The following PRAG1 variants were observed in gnomAD, a reference collection of about 807,000 sequenced individuals.
The protein encoded by PRAG1 is inactive tyrosine-protein kinase PRAG1.
Under a neutral mutation model 95.6 loss-of-function variants are expected in PRAG1, and 110 were observed. That is an observed-to-expected ratio of 1.15 (90% confidence interval 0.99 to 1.35). PRAG1 has a LOEUF of 1.35. Ranked by LOEUF, PRAG1 falls within the 40% of genes most tolerant of loss-of-function variation. PRAG1 has a pLI of 0.00. For synonymous variants in PRAG1, 1,052 were observed against 819.4 expected, an observed-to-expected ratio of 1.28 and a Z score of -4.85; for missense variants, 2,554 against 1,864.7, an observed-to-expected ratio of 1.37 and a Z score of -6.81.
chr8:8,385,321 T>C (rs1056451393), intron 1 of PRAG1, among the ~76,000 whole-genome samples: 1 of 152,162 alleles, frequency 6.6e-6, no homozygotes, highest in Non-Finnish European at 1.5e-5. Context: ...AGAGGGTAAA[T>C]TACGATATTC....
chr8:8,346,936 A>C (rs1368751184), intron 3 of PRAG1, among the ~76,000 whole-genome samples: 1 of 152,220 alleles, frequency 6.6e-6, no homozygotes, highest in Non-Finnish European at 1.5e-5. Context: ...GCAGGCATTC[A>C]CACTGCTGGC....
chr8:8,378,522 G>T (rs1800514549), intron 2 of PRAG1, among the ~76,000 whole-genome samples: 1 of 152,120 alleles, frequency 6.6e-6, no homozygotes, highest in Non-Finnish European at 1.5e-5. Flanking sequence ...CAATCACAGT[G>T]CATGCCTGAA....
Position 8,318,849 on chromosome 8 carries a change from C to CGGCGGG in PRAG1, c.3520_3525dup (p.Pro1174_Ala1175dup), listed in dbSNP as rs1291739247. ...GCAGAGGAGCAGGGAGGCGCGGCGG[C>CGGCGGG]GGCGGGGGCGGGAGCCGGGGCGGGG... On this transcript the variant is annotated inframe_insertion, in exon 6 of 6. Transcript: ENST00000615670. This position sits in a 1 kb window ranked among gnomAD's most constrained non-coding sequence, Gnocchi z 4.2. The CGGCGGG allele has an allele frequency of 2.1e-6, 2 of 930,284 alleles. No individual in the cohort carries two copies. The highest frequency in any genetic ancestry group is 5.4e-5 in the African/African-American group (2 of 36,796). 57.6% of individuals were successfully genotyped at this position (930,284 alleles called of 1,614,324 possible).
rs1253376332 is a variant in PRAG1, at chr8:8,317,788, C to A, written c.*366G>T. ...TGGAATTTTCTTCTTTTTTTTTTTT[C>A]TTTAAATAACAATTTGACAAAAGGG... On this transcript the variant is annotated 3_prime_UTR_variant, in exon 6 of 6. Transcript: ENST00000615670. 1 of 148,012 alleles carries A rather than the reference C, an allele frequency of 6.8e-6. No individual in the cohort carries two copies. The highest frequency in any genetic ancestry group is 1.5e-5 in the Non-Finnish European group (1 of 68,496). 9.2% of individuals were successfully genotyped at this position (148,012 alleles called of 1,614,324 possible). A position where few individuals can be genotyped will look rare whatever the true frequency, so the allele number is the denominator to read the frequency against.
chr8:8,359,239 C>T lies in PRAG1; in HGVS notation c.2162+17008G>A, dbSNP rs377005517. Among the ~76,000 whole-genome samples, 4 of 152,150 alleles carry T rather than the reference C, an allele frequency of 2.6e-5. No homozygotes were observed. The East Asian group carries it at 5.8e-4, about 22-fold the overall frequency. On this transcript the variant is annotated intron_variant, in intron 3 of 5. Coordinates refer to ENST00000615670, the MANE Select transcript of PRAG1 (RefSeq NM_001080826.3). The stretch of plus-strand genomic sequence containing the variant: ...GTTTTAATATTTCTTGGCTTAATTG[C>T]TCTGATTGAATTTCTAAAAGGAGAA...
Position 8,381,544 on chromosome 8 carries a change from G to A in PRAG1, c.204C>T (p.Arg68=), listed in dbSNP as rs772793752. The A allele has an allele frequency of 1.8e-5, 29 of 1,614,106 alleles. No individual in the cohort carries two copies. The highest frequency in any genetic ancestry group is 6.7e-5 in the Admixed American group (4 of 60,010). The part of the protein sequence containing the change: ...PRLPPRPENC[R]LEDEGVNSSP... ...AGCTGTTCACACCTTCATCTTCCAG[G>A]CGGCAGTTCTCAGGCCTGGGAGGCA... The change falls in exon 2 of 6, where the codon CGC becomes CGT. Residue 68 remains arginine (R), a synonymous_variant. Coordinates refer to ENST00000615670, the MANE Select transcript of PRAG1 (RefSeq NM_001080826.3).
intron 4 of PRAG1, among the ~76,000 whole-genome samples, chr8:8,335,118 T>C (rs2117134245): frequency 6.6e-6 from 1 of 152,280 alleles, no homozygotes; most frequent in East Asian, 1.9e-4. Flanking sequence ...AATAGACATT[T>C]TTAGAGGATA....
intron 3 of PRAG1, among the ~76,000 whole-genome samples, chr8:8,342,722 A>G (rs778444557): frequency 2.0e-5 from 3 of 152,220 alleles, no homozygotes; most frequent in Non-Finnish European, 2.9e-5. Flanking sequence ...ATGTGAAGAA[A>G]AAAAGAAAGT....
At chr8:8,361,880 T>G (rs573000927) in intron 3 of PRAG1, among the ~76,000 whole-genome samples, 1 of 152,368 alleles carries the variant, frequency 6.6e-6, no homozygotes, top group South Asian at 2.1e-4. Context: ...ATCTTTAACA[T>G]AAACCCTAAA....
chr8:8,362,304 G>A (rs559600518), intron 3 of PRAG1, among the ~76,000 whole-genome samples: 18 of 152,276 alleles, frequency 1.2e-4, no homozygotes, highest in Middle Eastern at 6.8e-3. Context: ...AAGCAACACC[G>A]CATGGCTTGA....
At chr8:8,385,382 A>G (rs1310876614) in intron 1 of PRAG1, among the ~76,000 whole-genome samples, 1 of 152,112 alleles carries the variant, frequency 6.6e-6, no homozygotes, top group African/African-American at 2.4e-5. Flanking sequence ...AGGAAAGAAA[A>G]TCTCAGAGGG....
chr8:8,324,944 G>A (rs1334882307), intron 5 of PRAG1, among the ~76,000 whole-genome samples: 2 of 152,160 alleles, frequency 1.3e-5, no homozygotes, highest in African/African-American at 4.8e-5. Context: ...AGGGCGCTGA[G>A]CCCAAAGTAG....
chr8:8,367,945 A>G (rs1048076662), intron 3 of PRAG1, among the ~76,000 whole-genome samples: 1 of 152,152 alleles, frequency 6.6e-6, no homozygotes, highest in African/African-American at 2.4e-5. Flanking sequence ...CTGGCCGTAT[A>G]TAGTGTTTTT....
chr8:8,330,790 G>A (rs1344414632), intron 4 of PRAG1, among the ~76,000 whole-genome samples: 2 of 152,184 alleles, frequency 1.3e-5, no homozygotes, highest in Admixed American at 1.3e-4. Flanking sequence ...GGCTAGGGCA[G>A]ATGATTCACT....
At chr8:8,346,076 T>C (rs917543529) in intron 3 of PRAG1, among the ~76,000 whole-genome samples, 1 of 152,222 alleles carries the variant, frequency 6.6e-6, no homozygotes, top group Non-Finnish European at 1.5e-5. Flanking sequence ...TTCTGAGCCC[T>C]AAAGGATTGT....
chr8:8,342,951 T>A (rs1255260519), intron 3 of PRAG1, among the ~76,000 whole-genome samples: 2 of 152,048 alleles, frequency 1.3e-5, no homozygotes, highest in Non-Finnish European at 2.9e-5. Context: ...AAAGTCACCA[T>A]TAAAAAGTGA....
chr8:8,348,871 G>A (rs1799429362), intron 3 of PRAG1, among the ~76,000 whole-genome samples: 1 of 152,222 alleles, frequency 6.6e-6, no homozygotes, highest in Non-Finnish European at 1.5e-5. Flanking sequence ...TTGAGGAGCT[G>A]TGTCACAGTT....
intron 5 of PRAG1, among the ~76,000 whole-genome samples, chr8:8,324,067 T>A (rs1798554191): frequency 6.6e-6 from 1 of 152,208 alleles, no homozygotes; most frequent in Admixed American, 6.5e-5. Flanking sequence ...GGCATGGCTC[T>A]CAGCGCCAGG....
Position 8,318,865 on chromosome 8 carries a change from C to CG in PRAG1, c.3509dup (p.Ala1171GlyfsTer84). Reference sequence around the variant, plus strand: ...GCGCGGCGGCGGCGGGGGCGGGAGCCGGGGCGGGGGCGGGGGCGGGCCCGG... The same window carrying CG: ...GCGCGGCGGCGGCGGGGGCGGGAGCCGGGGGCGGGGGCGGGGGCGGGCCCGG... On this transcript the variant is annotated frameshift_variant, in exon 6 of 6. Transcript: ENST00000615670. LOFTEE classifies it high-confidence loss of function. The surrounding 1 kb of genome is among the most constrained non-coding windows in gnomAD (Gnocchi z 4.2). 1 of 998,742 alleles carries CG rather than the reference C, an allele frequency of 1.0e-6. No homozygotes were observed. Among genetic ancestry groups the CG allele is most frequent in the Non-Finnish European group, 1.3e-6 (1 of 780,794 alleles). The allele number at this position is 998,742 out of a possible 1,614,324, so 61.9% of individuals were successfully genotyped here.
Sources: allele counts gnomAD v4.1 joint callset (sites outside exome capture counted in the v4.1 genomes callset), GRCh38; gene constraint gnomAD v4.1.1; non-coding constraint Gnocchi (gnomAD v3.1); transcripts MANE v1.5; gene names NCBI Gene and HGNC (gene_info 2026-07-23, HGNC 2026-07-21).